MFSD12: variants seen among roughly 807,000 people sequenced by gnomAD.
MFSD12 encodes the protein major facilitator superfamily domain-containing protein 12.
In MFSD12, 67 loss-of-function variants were observed where a neutral mutation model predicts 51.2. The ratio of observed to expected loss-of-function variants is 1.31; its 90% CI spans 1.08 to 1.60. MFSD12 has a LOEUF of 1.60. Ranked by LOEUF, MFSD12 falls within the 40% of genes most tolerant of loss-of-function variation. MFSD12 has a pLI of 0.00. For synonymous variants in MFSD12, 441 were observed against 316.7 expected (o/e 1.39, Z -4.17); for missense variants, 921 against 673.0 (o/e 1.37, Z -4.08).
At chr19:3,556,055 G>A (rs1324670357) in intron 1 of MFSD12, among the ~76,000 whole-genome samples, 1 of 152,176 alleles carries the variant, frequency 6.6e-6, no homozygotes, top group African/African-American at 2.4e-5. Flanking sequence ...ACCCTGGCCA[G>A]ACAGATAGAG....
In MFSD12 at chr19:3,544,804, CTCACAGCG is replaced by C; in HGVS notation, c.1417_1420+4del. ...CTGGGGAGGGAGGGGTGGGCCAGGA[CTCACAGCG>C]TCGCAGGCGGGTCGGCCACAGCAGG... On this transcript the variant is annotated splice_donor_variant and splice_donor_region_variant and coding_sequence_variant and intron_variant, in exon 9 of 10. Transcript: ENST00000355415. LOFTEE classifies it high-confidence loss of function. 6.8e-6 allele frequency: 11 copies of C among 1,611,820 alleles called. No homozygotes were observed. Among genetic ancestry groups the C allele is most frequent in the Non-Finnish European group, 9.3e-6 (11 of 1,179,024 alleles).
intron 2 of MFSD12, among the ~76,000 whole-genome samples, chr19:3,548,828 G>A (rs927590409): frequency 7.2e-5 from 11 of 152,352 alleles, no homozygotes; most frequent in South Asian, 6.2e-4. Flanking sequence ...GTCTGGCCCC[G>A]GTCAGATGGG....
chr19:3,550,925 G>T, intron 2 of MFSD12, 59 bp downstream of exon 2: 1 of 1,457,712 alleles, frequency 6.9e-7, no homozygotes, highest in Non-Finnish European at 9.5e-7. Context: ...CAGTGCCACT[G>T]ACTGATACAC....
rs1470479168 is a variant in MFSD12 at position 3,551,166 on chromosome 19, G to A, written c.327C>T (p.Pro109=). The A allele has an allele frequency of 6.2e-7, 1 of 1,611,554 alleles. No individual in the cohort carries two copies. Among genetic ancestry groups the A allele is most frequent in the African/African-American group, 1.3e-5 (1 of 74,908 alleles). ...AGCCCAGGCAGGGGCTGAAGATGAA[G>A]GGGAAGGACAGCAGGACGCAGACGG... ...VGTVCVLLSF[P]FIFSPCLGCG... is the part of the protein sequence containing the mutation. Residue 109 remains proline, a synonymous_variant, in exon 2 of 10, where the codon CCC becomes CCT. Coordinates refer to ENST00000355415, the MANE Select transcript of MFSD12 (RefSeq NM_174983.5). The surrounding 1 kb of genome is among the most constrained non-coding windows in gnomAD (Gnocchi z 4.6).
At chr19:3,541,698 G>T (rs2030431584), downstream of MFSD12, 1 of 985,176 alleles carries the variant, frequency 1.0e-6, no homozygotes, top group South Asian at 4.7e-5. Flanking sequence ...ACGGGGGTGA[G>T]TGCATGTACC....
chr19:3,555,627 A>G (rs1323846920), intron 1 of MFSD12, among the ~76,000 whole-genome samples: 1 of 151,994 alleles, frequency 6.6e-6, no homozygotes, highest in Admixed American at 6.6e-5. Flanking sequence ...GGAGCCTGCC[A>G]CCCTCAGACC....
In MFSD12 at chr19:3,554,561, C is replaced by T. The variant is rs141910050; in HGVS notation, c.298+2545G>A. ...TCTATTCTGAACCACTTCCTGCTTCCGCAGCTTCAAAGTGAGGACTGTTCC... is the reference window on the plus strand; with the variant it reads ...TCTATTCTGAACCACTTCCTGCTTCTGCAGCTTCAAAGTGAGGACTGTTCC... On this transcript the variant is annotated intron_variant, in intron 1 of 9. Transcript: ENST00000355415. Among the ~76,000 whole-genome samples, 82 of 152,344 alleles carry T rather than the reference C, an allele frequency of 5.4e-4. 2 individuals are homozygous for T. In the East Asian group the frequency reaches 0.013, roughly 24 times the overall value.
Position 3,544,276 on chromosome 19 carries a change from C to T in MFSD12, c.*434G>A. The T allele has an allele frequency of 7.7e-7, 1 of 1,302,572 alleles. No homozygotes were observed. Among genetic ancestry groups the T allele is most frequent in the Non-Finnish European group, 9.7e-7 (1 of 1,026,812 alleles). 80.7% of individuals were successfully genotyped at this position (1,302,572 alleles called of 1,614,324 possible). ...GCCCTGCTGCCCACCACGGTGGGGTCCAGGCCCAGCCCACCACCCCGTGGC... is the reference window on the plus strand; with the variant it reads ...GCCCTGCTGCCCACCACGGTGGGGTTCAGGCCCAGCCCACCACCCCGTGGC... On this transcript the variant is annotated 3_prime_UTR_variant, in exon 10 of 10. Transcript: ENST00000355415.
intron 2 of MFSD12, among the ~76,000 whole-genome samples, chr19:3,548,491 G>A (rs911714483): frequency 6.6e-6 from 1 of 152,204 alleles, no homozygotes; most frequent in Non-Finnish European, 1.5e-5. Flanking sequence ...CACCCTTCGT[G>A]CCCAGGACCA....
intron 2 of MFSD12, among the ~76,000 whole-genome samples, 191 bp from the exon 3 acceptor site, chr19:3,548,458 G>A (rs950743588): frequency 2.0e-5 from 3 of 152,184 alleles, no homozygotes; most frequent in South Asian, 2.1e-4. Flanking sequence ...TACCTAACGC[G>A]GGAAAGCTGT....
Position 3,547,913 on chromosome 19 carries a change from C to T in MFSD12, c.772G>A (p.Ala258Thr). The part of the protein sequence containing the change: ...EEPGEHTPLL[A>T]PATAQPLLLW... ...AGCAGGGGCTGGGCCGTGGCAGGGG[C>T]CAACAGGGGGGTGTGCTCGCCTGGC... Residue 258 changes from alanine to threonine, a missense_variant, in exon 4 of 10, where the codon GCC (alanine) becomes ACC (threonine). Transcript: ENST00000355415. The T allele has an allele frequency of 6.3e-7, 1 of 1,574,806 alleles. No homozygotes were observed. The highest frequency in any genetic ancestry group is 8.6e-7 in the Non-Finnish European group (1 of 1,169,028).
intron 2 of MFSD12, 67 bp downstream of exon 2, chr19:3,550,917 G>C: frequency 1.5e-6 from 2 of 1,366,996 alleles, no homozygotes; most frequent in Non-Finnish European, 2.0e-6. Context: ...TCATTATGCA[G>C]TGCCACTGAC....
At chr19:3,545,359 C>A (rs1247283534) in intron 8 of MFSD12, among the ~76,000 whole-genome samples, 1 of 152,188 alleles carries the variant, frequency 6.6e-6, no homozygotes, top group African/African-American at 2.4e-5. Context: ...TCCCCTAAGT[C>A]CTCCCCATGG....
At chr19:3,539,281 GAGCCCCTCCC>G (rs1457216469), downstream of MFSD12, 18 of 1,511,232 alleles carry the variant, frequency 1.2e-5, no homozygotes, top group Admixed American at 3.9e-5. Flanking sequence ...CCCTACAGGT[GAGCCCCTCCC>G]AGCCCCTCCC....
intron 1 of MFSD12, among the ~76,000 whole-genome samples, chr19:3,554,711 A>G (rs2031649247): frequency 6.6e-6 from 1 of 152,170 alleles, no homozygotes; most frequent in Admixed American, 6.5e-5. Flanking sequence ...GCCCACTCAC[A>G]GGAGTGTTTG....
Position 3,546,157 on chromosome 19 carries a change from C to A in MFSD12, c.1206G>T (p.Ala402=), listed in dbSNP as rs532811136. Residue 402 remains alanine, a synonymous_variant, in exon 8 of 10, where the codon GCG becomes GCT. Coordinates refer to ENST00000355415, the MANE Select transcript of MFSD12 (RefSeq NM_174983.5). ...DLIGPHTNSG[A]FVYGSMSFLD... ...AGAAGCTCATGGAGCCGTACACGAA[C>A]GCTCCGCTGTTCTGTGGAGACACAG... 1 of 1,613,172 alleles carries A rather than the reference C, an allele frequency of 6.2e-7. No homozygotes were observed. Among genetic ancestry groups the A allele is most frequent in the East Asian group, 2.2e-5 (1 of 44,892 alleles).
At chr19:3,556,077 A>T (rs1372086030) in intron 1 of MFSD12, among the ~76,000 whole-genome samples, 1 of 152,146 alleles carries the variant, frequency 6.6e-6, no homozygotes, top group Non-Finnish European at 1.5e-5. Context: ...CAATGCAAGA[A>T]CAGGGCAGAG....
At chr19:3,543,065 C>T (rs1372911256), downstream of MFSD12, 2 of 1,595,250 alleles carry the variant, frequency 1.3e-6, no homozygotes, top group African/African-American at 2.7e-5. Flanking sequence ...CTCAAGCACC[C>T]ACTCTGGGGT....
In MFSD12 at chr19:3,544,253, C is replaced by A; in HGVS notation, c.*457G>T. On this transcript the variant is annotated 3_prime_UTR_variant, in exon 10 of 10. Coordinates refer to ENST00000355415, the MANE Select transcript of MFSD12 (RefSeq NM_174983.5). The stretch of plus-strand genomic sequence containing the variant: ...GAGTCCACCAAGCCTGCCGGGCAGC[C>A]CTGCTGCCCACCACGGTGGGGTCCA... 7.6e-7 allele frequency: 1 copy of A among 1,320,350 alleles called. No homozygotes were observed. The highest frequency in any genetic ancestry group is 9.6e-7 in the Non-Finnish European group (1 of 1,037,136). 81.8% of individuals were successfully genotyped at this position (1,320,350 alleles called of 1,614,324 possible).
Sources: gnomAD v4.1 joint callset for allele counts (sites outside exome capture counted in the v4.1 genomes callset) on GRCh38, gnomAD v4.1.1 for gene constraint, Gnocchi (gnomAD v3.1) non-coding constraint, MANE v1.5 for transcripts, NCBI Gene and HGNC (gene_info 2026-07-23, HGNC 2026-07-21) for gene names.